Variants in ATP2B2 observed in about 807,000 individuals in gnomAD.
The protein encoded by ATP2B2 is plasma membrane calcium-transporting ATPase 2.
Under a neutral mutation model 120.0 loss-of-function variants are expected in ATP2B2, and 15 were observed. The observed-to-expected ratio is 0.12, with a 90% CI of 0.08 to 0.19. The LOEUF is 0.19. ATP2B2 is among the 10% of genes least tolerant of loss of function. The pLI is 1.00. For missense variants in ATP2B2, 1,045 were observed against 1,719.8 expected (o/e 0.61, Z 6.94); for synonymous variants, 694 against 700.3 (o/e 0.99, Z 0.14).
chr3:10,379,121 C>A, intron 9 of ATP2B2, 122 bp downstream of exon 9: 1 of 1,209,426 alleles, frequency 8.3e-7, no homozygotes, highest in Non-Finnish European at 1.2e-6. Context: ...GGTCGTCAGA[C>A]ACCTGTAGGA....
chr3:10,377,528 G>A (rs2061414365), intron 10 of ATP2B2, among the ~76,000 whole-genome samples: 1 of 152,224 alleles, frequency 6.6e-6, no homozygotes, highest in Non-Finnish European at 1.5e-5. Flanking sequence ...GGAAGCCTAG[G>A]CCGTGCCAGA....
intron 1 of ATP2B2, among the ~76,000 whole-genome samples, chr3:10,491,163 C>T (rs190964423): frequency 1.5e-4 from 23 of 151,768 alleles, no homozygotes; most frequent in Admixed American, 1.2e-3. Flanking sequence ...GCTCTGACTC[C>T]GGGCATTCAC....
At chr3:10,386,353 G>C in intron 7 of ATP2B2, 127 bp downstream of exon 7, 1 of 1,035,404 alleles carries the variant, frequency 9.7e-7, no homozygotes, top group Non-Finnish European at 1.5e-6. Context: ...AGGGTCTGGG[G>C]GGTGGAGCCA....
In ATP2B2 at chr3:10,526,103, G is replaced by A. The variant is rs149912924; in HGVS notation, c.-320+7936C>T. On this transcript the variant is annotated intron_variant, in intron 3 of 21. Transcript: ENST00000646379. ...ATAAATAGGAATGATGAGGATTATT[G>A]TGTGTGTAATATTTGTATTATTAAA... Among the ~76,000 whole-genome samples the A allele has an allele frequency of 2.6e-3, 396 of 152,336 alleles. 1 individual carries two copies. Among genetic ancestry groups the A allele is most frequent in the African/African-American group, 9.0e-3 (374 of 41,564 alleles).
At chr3:10,625,125 G>C (rs2069659299) in intron 1 of ATP2B2, among the ~76,000 whole-genome samples, 1 of 152,258 alleles carries the variant, frequency 6.6e-6, no homozygotes, top group African/African-American at 2.4e-5. Context: ...CAGAAACTCA[G>C]AGGTGAGGAC....
In ATP2B2 at chr3:10,324,554, A is replaced by C. The variant is rs2059831217; in HGVS notation, c.*4260T>G. The stretch of plus-strand genomic sequence containing the variant: ...GGCTCTGGAAGGCCTAAAAGCCTTC[A>C]AGAAACGCTCTTCCCTACAAGAGCC... On this transcript the variant is annotated 3_prime_UTR_variant, in exon 23 of 23. Coordinates refer to ENST00000360273, the MANE Select transcript of ATP2B2 (RefSeq NM_001001331.4). The C allele has an allele frequency of 6.6e-6, 1 of 152,226 alleles. No individual in the cohort carries two copies. The allele number at this position is 152,226 out of a possible 1,614,324, so 9.4% of individuals were successfully genotyped here.
intron 1 of ATP2B2, among the ~76,000 whole-genome samples, chr3:10,652,541 A>G (rs2070493769): frequency 6.6e-6 from 1 of 152,234 alleles, no homozygotes; most frequent in African/African-American, 2.4e-5. Context: ...AGACAGAACC[A>G]GCATGACGAT....
intron 1 of ATP2B2, among the ~76,000 whole-genome samples, chr3:10,696,571 G>C (rs1478679946): frequency 6.6e-6 from 1 of 152,134 alleles, no homozygotes; most frequent in African/African-American, 2.4e-5. Flanking sequence ...GCCTCCTCTG[G>C]CTCCTGGTTG....
intron 3 of ATP2B2, among the ~76,000 whole-genome samples, chr3:10,407,512 G>A (rs921693825): frequency 6.6e-6 from 1 of 152,194 alleles, no homozygotes; most frequent in Non-Finnish European, 1.5e-5. Context: ...CTGTGCACAG[G>A]GCTGCCCGCC....
chr3:10,347,100 T>C lies in ATP2B2; in HGVS notation c.2405-963A>G, dbSNP rs241510. The stretch of plus-strand genomic sequence containing the variant: ...GTCGTTTTCCTGCTTCCCCCCTTGG[T>C]CTCAGGATAACATCCATGTTCTTAG... On this transcript the variant is annotated intron_variant, in intron 16 of 22. Transcript: ENST00000360273. This position sits in a 1 kb window ranked among gnomAD's most constrained non-coding sequence, Gnocchi z 5.2. Among the ~76,000 whole-genome samples the C allele has an allele frequency of 0.6, 91,372 of 151,784 alleles. 28,474 individuals are homozygous for C. The highest frequency in any genetic ancestry group is 0.99 in the East Asian group (5,134 of 5,162).
At chr3:10,642,688 A>AAC (rs869049963) in intron 1 of ATP2B2, among the ~76,000 whole-genome samples, 31 of 133,914 alleles carry the variant, frequency 2.3e-4, no homozygotes, top group African/African-American at 8.7e-4. Context: ...GATTTAGCTA[A>AAC]AAAAAAAAAA....
intron 3 of ATP2B2, among the ~76,000 whole-genome samples, chr3:10,524,635 T>C (rs1218004411): frequency 6.6e-6 from 1 of 152,214 alleles, no homozygotes; most frequent in East Asian, 1.9e-4. Context: ...CCAGCTCTCC[T>C]TCCCTCTTCT....
intron 1 of ATP2B2, among the ~76,000 whole-genome samples, chr3:10,651,591 A>T (rs948611203): frequency 2.0e-5 from 3 of 152,178 alleles, no homozygotes; most frequent in Admixed American, 1.3e-4. Flanking sequence ...CAGCCACATG[A>T]AAATGGAGTA....
At chr3:10,371,637 C>G (rs1050760518) in intron 12 of ATP2B2, among the ~76,000 whole-genome samples, 172 bp downstream of exon 12, 1 of 152,188 alleles carries the variant, frequency 6.6e-6, no homozygotes, top group African/African-American at 2.4e-5. Flanking sequence ...AACATTGTAG[C>G]AATATTAATA....
chr3:10,593,401 C>A (rs76893525), intron 2 of ATP2B2, among the ~76,000 whole-genome samples: 20,582 of 152,062 alleles, frequency 0.14, 1,564 homozygotes, highest in East Asian at 0.33. Context: ...GCTCTCATTA[C>A]CAATACCCCG....
At chr3:10,468,898 G>A (rs1228432598) in intron 1 of ATP2B2, among the ~76,000 whole-genome samples, 3 of 152,258 alleles carry the variant, frequency 2.0e-5, no homozygotes, top group Non-Finnish European at 4.4e-5. Context: ...CTGACAAAGA[G>A]ATTTCAAACA....
At chr3:10,379,871 C>A (rs1298603437) in intron 8 of ATP2B2, among the ~76,000 whole-genome samples, 1 of 152,076 alleles carries the variant, frequency 6.6e-6, no homozygotes, top group East Asian at 1.9e-4. Context: ...TTTTGGCCTT[C>A]AAGAGGGATG....
intron 5 of ATP2B2, among the ~76,000 whole-genome samples, chr3:10,391,611 G>C (rs1378067239): frequency 6.6e-6 from 1 of 152,186 alleles, no homozygotes; most frequent in Non-Finnish European, 1.5e-5. Context: ...AGGGGCTTAG[G>C]CATAGTGCGC....
chr3:10,471,385 T>TGTGTGTGTGTGTGTGC (rs2064992513), intron 1 of ATP2B2, among the ~76,000 whole-genome samples: 1 of 149,994 alleles, frequency 6.7e-6, no homozygotes, highest in Admixed American at 6.6e-5. Flanking sequence ...TGTGTGTGTG[T>TGTGTGTGTGTGTGTGC]GTGTGTGTGT....
Sources: allele counts gnomAD v4.1 joint callset (sites outside exome capture counted in the v4.1 genomes callset), GRCh38; gene constraint gnomAD v4.1.1; non-coding constraint Gnocchi (gnomAD v3.1); transcripts MANE v1.5; gene names NCBI Gene and HGNC (gene_info 2026-07-23, HGNC 2026-07-21).